The following TLN1 variants were observed in gnomAD, a reference collection of about 807,000 sequenced individuals.
TLN1 encodes talin 1.
In TLN1, 56 loss-of-function variants were observed where a neutral mutation model predicts 292.3. The observed-to-expected ratio is 0.19, with a 90% CI of 0.15 to 0.24. The LOEUF (loss-of-function observed/expected upper bound fraction) is 0.24, where lower values mean the gene tolerates loss of function less well. Among genes scored for constraint, TLN1 ranks in the 10% least tolerant of loss-of-function variants. The pLI, the probability that TLN1 is intolerant of heterozygous loss-of-function variation, is 1.00. For synonymous variants in TLN1, 1,119 were observed against 1,253.7 expected, an observed-to-expected ratio of 0.89 and a Z score of 2.27; for missense variants, 2,433 against 3,248.2, an observed-to-expected ratio of 0.75 and a Z score of 6.10.
chr9:35,697,510 G>C lies in TLN1; in HGVS notation c.*281C>G, dbSNP rs1034236095. ...GCAGGGTGGAGTGGGCTGGGGCCCCGGCAGATTCAGATCGAGGTACAGCAG... is the reference window on the plus strand; with the variant it reads ...GCAGGGTGGAGTGGGCTGGGGCCCCCGCAGATTCAGATCGAGGTACAGCAG... On this transcript the variant is annotated 3_prime_UTR_variant, in exon 57 of 57. Transcript: ENST00000314888. 1 of 417,808 alleles carries C rather than the reference G, an allele frequency of 2.4e-6. No individual in the cohort carries two copies. Among genetic ancestry groups the C allele is most frequent in the East Asian group, 4.1e-5 (1 of 24,296 alleles). 25.9% of individuals were successfully genotyped at this position (417,808 alleles called of 1,614,324 possible).
rs759232681 is a variant in TLN1 at position 35,703,676 on chromosome 9, C to A, written c.6358G>T (p.Val2120Leu). Residue 2120 changes from valine to leucine, a missense_variant and splice_region_variant, in exon 48 of 57, where the codon GTG (valine) becomes TTG (leucine). Physicochemically the swap from Val to Leu is conservative, Grantham distance 32. Transcript: ENST00000314888. Reference protein sequence around the residue: ...AVWQLKNSAKVMVTNVTSLLK... With the variant: ...AVWQLKNSAKLMVTNVTSLLK... ...AATGATGTCACATTGGTCACCATCA[C>A]CTGGAGGTATCAGAGGAGTGAAGAG... The A allele has an allele frequency of 1.9e-6, 3 of 1,614,194 alleles. No individual in the cohort carries two copies. Among genetic ancestry groups the A allele is most frequent in the South Asian group, 1.1e-5 (1 of 91,086 alleles).
intron 48 of TLN1, among the ~76,000 whole-genome samples, chr9:35,701,581 A>G (rs900995114): frequency 1.3e-5 from 2 of 152,240 alleles, no homozygotes; most frequent in African/African-American, 4.8e-5. Flanking sequence ...ACTCTAATTT[A>G]TATTTTAAAA....
At position 35,717,670 on chromosome 9, in the gene TLN1, A is replaced by G. The variant is rs771132067; in HGVS notation, c.2112T>C (p.Ala704=). ...TGGATAGGGCACACTGTGTTGCTGC[A>G]GCAATAACTTGGGTCTGAAGTCCCG... ...EDSGLQTQVI[A]AATQCALSTS... The change falls in exon 18 of 57, where the codon GCT becomes GCC. Residue 704 remains alanine, a synonymous_variant. Transcript: ENST00000314888. This position sits in a 1 kb window ranked among gnomAD's most constrained non-coding sequence, Gnocchi z 4.7. 6 of 1,614,180 alleles carry G rather than the reference A, an allele frequency of 3.7e-6. No homozygotes were observed. The highest frequency in any genetic ancestry group is 1.1e-5 in the South Asian group (1 of 91,090).
Position 35,704,598 on chromosome 9 carries a change from G to A in TLN1, c.5880+71C>T. On this transcript the variant is annotated intron_variant, in intron 44 of 56. Transcript: ENST00000314888. The surrounding 1 kb of genome is among the most constrained non-coding windows in gnomAD (Gnocchi z 6.9). ...GTGACAACAGGAGAGGGCTGAGAGG[G>A]CTGGAGGAGGATGGCAAAGGCTACA... The A allele has an allele frequency of 6.3e-7, 1 of 1,598,878 alleles. No individual in the cohort carries two copies. Among genetic ancestry groups the A allele is most frequent in the Non-Finnish European group, 8.5e-7 (1 of 1,171,258 alleles).
Position 35,719,257 on chromosome 9 carries a change from G to A in TLN1, c.1713C>T (p.Thr571=), listed in dbSNP as rs780691721. The part of the protein sequence containing the change: ...TAGDPAETDY[T]AVGCAVTTIS... ...TTGTGGTGACTGCACAGCCCACTGC[G>A]GTATAGTCTGTCTCAGCAGGGTCCC... The change falls in exon 16 of 57, where the codon ACC becomes ACT. Residue 571 remains threonine, a synonymous_variant. Transcript: ENST00000314888. This position sits in a 1 kb window ranked among gnomAD's most constrained non-coding sequence, Gnocchi z 4.6. 36 of 1,613,756 alleles carry A rather than the reference G, an allele frequency of 2.2e-5. No individual in the cohort carries two copies. The highest frequency in any genetic ancestry group is 2.7e-5 in the Non-Finnish European group (32 of 1,179,854).
At position 35,704,607 on chromosome 9, in the gene TLN1, G is replaced by A; in HGVS notation, c.5880+62C>T. 1.2e-6 allele frequency: 2 copies of A among 1,601,954 alleles called. No individual in the cohort carries two copies. Among genetic ancestry groups the A allele is most frequent in the Non-Finnish European group, 1.7e-6 (2 of 1,172,686 alleles). Reference sequence around the variant, plus strand: ...GGAGAGGGCTGAGAGGGCTGGAGGAGGATGGCAAAGGCTACAGAGTTTGGA... The same window carrying A: ...GGAGAGGGCTGAGAGGGCTGGAGGAAGATGGCAAAGGCTACAGAGTTTGGA... On this transcript the variant is annotated intron_variant, in intron 44 of 56. Coordinates refer to ENST00000314888, the MANE Select transcript of TLN1 (RefSeq NM_006289.4). The surrounding 1 kb of genome is among the most constrained non-coding windows in gnomAD (Gnocchi z 6.9).
chr9:35,707,996 A>T lies in TLN1; in HGVS notation c.4471-104T>A. 1 of 1,333,640 alleles carries T rather than the reference A, an allele frequency of 7.5e-7. No individual in the cohort carries two copies. The highest frequency in any genetic ancestry group is 1.0e-6 in the Non-Finnish European group (1 of 967,388). 82.6% of individuals were successfully genotyped at this position (1,333,640 alleles called of 1,614,324 possible). On this transcript the variant is annotated intron_variant, in intron 34 of 56. Transcript: ENST00000314888. The surrounding 1 kb of genome is among the most constrained non-coding windows in gnomAD (Gnocchi z 5.6). ...GGGGATGGAGAGCAATACCCTGAGG[A>T]GTCAAAACAGGAATAACAGAGTCAC...
At chr9:35,721,371 G>A (rs1280957517) in intron 10 of TLN1, among the ~76,000 whole-genome samples, 1 of 152,144 alleles carries the variant, frequency 6.6e-6, no homozygotes, top group Non-Finnish European at 1.5e-5. Flanking sequence ...CTGAAACAGG[G>A]AGGTTATCAC....
rs754021505 is a variant in TLN1, at chr9:35,725,662, C to T, written c.33G>A (p.Gly11=). MVALSLKISI[G]NVVKTMQFEP... is the part of the protein sequence containing the mutation. ...CAAACTGCATCGTCTTCACCACATT[C>T]CCAATGCTGATCTTCAGTGAAAGTG... is the stretch of plus-strand genomic sequence containing the variant. The change falls in exon 2 of 57, where the codon GGG becomes GGA. Residue 11 remains glycine (G), a synonymous_variant. Coordinates refer to ENST00000314888, the MANE Select transcript of TLN1 (RefSeq NM_006289.4). The T allele has an allele frequency of 3.1e-6, 5 of 1,613,928 alleles. No homozygotes were observed. The highest frequency in any genetic ancestry group is 4.2e-6 in the Non-Finnish European group (5 of 1,179,958).
intron 2 of TLN1, 59 bp from the exon 3 acceptor site, chr9:35,725,380 T>G: frequency 1.3e-6 from 2 of 1,572,524 alleles, no homozygotes; most frequent in Non-Finnish European, 1.7e-6. Context: ...CTGAACAGCT[T>G]GTACCATGTT....
chr9:35,731,108 C>G (rs563023196), intron 1 of TLN1, among the ~76,000 whole-genome samples: 8 of 152,216 alleles, frequency 5.3e-5, no homozygotes, highest in African/African-American at 1.9e-4. Context: ...AAAGCCAGAA[C>G]GCTAGCCTGA....
rs771534168 is a variant in TLN1, at chr9:35,713,256, C to T, written c.3292G>A (p.Val1098Met). ...TQDLGNSTKA[V>M]SSAIAQLLGE... ...AGTAGCTGGGCGATGGCTGAGCTCA[C>T]GGCTTTGGTGCTGTTGCCCAGGTCC... is the stretch of plus-strand genomic sequence containing the variant. Residue 1098 changes from valine (V) to methionine (M), a missense_variant, in exon 26 of 57, where the codon GTG (valine) becomes ATG (methionine). Physicochemically the swap from Val to Met is conservative, Grantham distance 21. Around this residue, in one of 7 missense-constraint regions of TLN1, gnomAD observed 1,384 missense variants for 1,699.6 expected, o/e 0.81. Transcript: ENST00000314888. 8.1e-6 allele frequency: 13 copies of T among 1,599,550 alleles called. No individual in the cohort carries two copies. Among genetic ancestry groups the T allele is most frequent in the South Asian group, 1.1e-5 (1 of 90,724 alleles).
intron 25 of TLN1, 44 bp from the exon 26 acceptor site, chr9:35,713,342 TGAG>T (rs746898945): frequency 1.6e-5 from 24 of 1,501,292 alleles, no homozygotes; most frequent in South Asian, 2.4e-5. Flanking sequence ...AAGGAGAAGG[TGAG>T]GAGAAGGAAC....
At position 35,698,120 on chromosome 9, in the gene TLN1, T is replaced by C. The variant is rs775408333; in HGVS notation, c.7424A>G (p.Gln2475Arg). The C allele has an allele frequency of 6.2e-7, 1 of 1,614,110 alleles. No homozygotes were observed. Among genetic ancestry groups the C allele is most frequent in the Non-Finnish European group, 8.5e-7 (1 of 1,180,052 alleles). ...RASDNLVKAA[Q>R]KAAAFEEQEN... Reference sequence around the variant, plus strand: ...CTGCTCTTCAAAGGCTGCAGCCTTCTGTGCTGCTTTCACCAGATTATCTGA... The same window carrying C: ...CTGCTCTTCAAAGGCTGCAGCCTTCCGTGCTGCTTTCACCAGATTATCTGA... The change falls in exon 56 of 57, where the codon CAG (glutamine) becomes CGG (arginine). Residue 2475 changes from glutamine to arginine, a missense_variant. By Grantham distance (43) the Gln-to-Arg change is conservative (BLOSUM62 1). This residue lies in a region of TLN1 where 141 missense variants were observed against 248.5 expected (regional missense o/e 0.57). Transcript: ENST00000314888. This position sits in a 1 kb window ranked among gnomAD's most constrained non-coding sequence, Gnocchi z 5.3.
chr9:35,719,822 A>G lies in TLN1; in HGVS notation c.1496T>C (p.Ile499Thr). Residue 499 changes from isoleucine to threonine, a missense_variant, in exon 14 of 57, where the codon ATT (isoleucine) becomes ACT (threonine). By Grantham distance (89) the Ile-to-Thr change is moderately conservative. Around this residue, in one of 7 missense-constraint regions of TLN1, gnomAD observed 617 missense variants for 770.6 expected, o/e 0.80. Transcript: ENST00000314888. The surrounding 1 kb of genome is among the most constrained non-coding windows in gnomAD (Gnocchi z 4.6). ...CTGCACGGCCTGCATGCTGGAGTTA[A>G]TGGTTCCAGTGAGTGCCTGCTGGGC... ...TSAQQALTGTINSSMQAVQAA... is the reference protein window; with the variant it reads ...TSAQQALTGTTNSSMQAVQAA... 6.3e-7 allele frequency: 1 copy of G among 1,596,162 alleles called. No homozygotes were observed. The highest frequency in any genetic ancestry group is 2.3e-5 in the East Asian group (1 of 44,296).
intron 28 of TLN1, 57 bp from the exon 29 acceptor site, chr9:35,711,849 C>A: frequency 6.2e-7 from 1 of 1,609,070 alleles, no homozygotes; most frequent in East Asian, 2.2e-5. Context: ...AGGGAGAAGT[C>A]TGGTAAAGGA....
chr9:35,723,236 G>A (rs922359756), intron 7 of TLN1: 1 of 257,572 alleles, frequency 3.9e-6, no homozygotes, highest in African/African-American at 2.3e-5. Context: ...CGAGTAGCTG[G>A]GATTACAGGC....
intron 3 of TLN1, 52 bp from the exon 4 acceptor site, chr9:35,725,011 T>C (rs1374435625): frequency 2.5e-6 from 4 of 1,611,918 alleles, no homozygotes; most frequent in Admixed American, 3.3e-5. Context: ...AGGGGTATTA[T>C]TTCCTCTTTA....
At chr9:35,705,144 G>T (rs542276293) in intron 43 of TLN1, among the ~76,000 whole-genome samples, 1 of 152,318 alleles carries the variant, frequency 6.6e-6, no homozygotes, top group Admixed American at 6.5e-5. Context: ...GTTATGGAGG[G>T]TTTTAAGGAT....
Sources: allele counts gnomAD v4.1 joint callset (sites outside exome capture counted in the v4.1 genomes callset), GRCh38; gene constraint gnomAD v4.1.1; regional missense constraint gnomAD v4.1.1; non-coding constraint Gnocchi (gnomAD v3.1); transcripts MANE v1.5; gene names NCBI Gene and HGNC (gene_info 2026-07-23, HGNC 2026-07-21).